ITPKC: variants seen among roughly 807,000 people sequenced by gnomAD.
ITPKC encodes IP3 3-kinase C.
A neutral mutation model predicts 67.1 loss-of-function variants in ITPKC; 33 were observed. The observed-to-expected ratio is 0.49, with a 90% CI of 0.37 to 0.66. The LOEUF (loss-of-function observed/expected upper bound fraction) is 0.66. Among genes scored for constraint, ITPKC ranks in the 30% least tolerant of loss-of-function variants. ITPKC has a pLI of 0.00. For synonymous variants in ITPKC, 341 were observed against 359.8 expected (o/e 0.95, Z 0.59); for missense variants, 820 against 892.1 (o/e 0.92, Z 1.03).
intron 3 of ITPKC, among the ~76,000 whole-genome samples, chr19:40,730,535 G>A (rs762173018): frequency 3.9e-5 from 6 of 152,044 alleles, no homozygotes; most frequent in East Asian, 3.9e-4. Flanking sequence ...GGGCTCAGGC[G>A]GTCCTTTCAC....
chr19:40,737,720 A>G lies in ITPKC; in HGVS notation c.1799A>G (p.Glu600Gly). ...VILQKYVACL[E>G]ELREALEISP... ...CAGCAAAAGTACGTGGCATGCCTAG[A>G]AGAACTTCGTGAAGCTCTGGAGATC... is the stretch of plus-strand genomic sequence containing the variant. The change falls in exon 6 of 7, where the codon GAA (glutamate) becomes GGA (glycine). Residue 600 changes from glutamate to glycine, a missense_variant. Coordinates refer to ENST00000263370, the MANE Select transcript of ITPKC (RefSeq NM_025194.3). The G allele has an allele frequency of 4.3e-6, 7 of 1,614,126 alleles. No individual in the cohort carries two copies. Among genetic ancestry groups the G allele is most frequent in the Non-Finnish European group, 5.1e-6 (6 of 1,180,008 alleles).
chr19:40,718,249 G>A lies in ITPKC; in HGVS notation c.1114G>A (p.Ala372Thr). The A allele has an allele frequency of 6.6e-7, 1 of 1,523,504 alleles. No individual in the cohort carries two copies. Among genetic ancestry groups the A allele is most frequent in the Non-Finnish European group, 8.8e-7 (1 of 1,140,812 alleles). The allele number at this position is 1,523,504 out of a possible 1,614,324, so 94.4% of individuals were successfully genotyped here. The change falls in exon 1 of 7, where the codon GCC becomes ACC. Residue 372 changes from alanine (A) to threonine (T), a missense_variant. Coordinates refer to ENST00000263370, the MANE Select transcript of ITPKC (RefSeq NM_025194.3). ...CGACGAGTCTGAGGATGACGTGGTG[G>A]CCGGGGGCGGAGGTGCCAGCGATCC... Reference protein sequence around the residue: ...SFDESEDDVVAGGGGASDPED... With the variant: ...SFDESEDDVVTGGGGASDPED...
chr19:40,717,132 G>T lies in ITPKC; in HGVS notation c.-4G>T. The T allele has an allele frequency of 8.2e-7, 1 of 1,225,172 alleles. No individual in the cohort carries two copies. Among genetic ancestry groups the T allele is most frequent in the Admixed American group, 4.3e-5 (1 of 23,500 alleles). 75.9% of individuals were successfully genotyped at this position (1,225,172 alleles called of 1,614,324 possible). On this transcript the variant is annotated 5_prime_UTR_variant, in exon 1 of 7. Coordinates refer to ENST00000263370, the MANE Select transcript of ITPKC (RefSeq NM_025194.3). Reference sequence around the variant, plus strand: ...CGGCCGAAGCCCGAACCGAAGGAGCGGGCATGAGGCGCTGCCCGTGCCGTG... The same window carrying T: ...CGGCCGAAGCCCGAACCGAAGGAGCTGGCATGAGGCGCTGCCCGTGCCGTG...
At chr19:40,738,327 G>A (rs563379101) in intron 6 of ITPKC, among the ~76,000 whole-genome samples, 47 of 152,324 alleles carry the variant, frequency 3.1e-4, no homozygotes, top group Non-Finnish European at 5.6e-4. Context: ...TACTTGGGAG[G>A]CTGAGGCAGG....
At chr19:40,734,476 ATG>A (rs2082285642) in intron 4 of ITPKC, among the ~76,000 whole-genome samples, 1 of 152,188 alleles carries the variant, frequency 6.6e-6, no homozygotes. Flanking sequence ...CCAGCAATGT[ATG>A]AGAATGCCTG....
At chr19:40,721,638 G>A (rs935625967) in intron 1 of ITPKC, among the ~76,000 whole-genome samples, 2 of 151,858 alleles carry the variant, frequency 1.3e-5, no homozygotes, top group South Asian at 2.1e-4. Context: ...CAAAGTGCTG[G>A]GATTACAAGC....
In ITPKC at chr19:40,739,528, A is replaced by G. The variant is rs150775554; in HGVS notation, c.2020A>G (p.Ile674Val). 1 of 1,613,630 alleles carries G rather than the reference A, an allele frequency of 6.2e-7. No individual in the cohort carries two copies. Among genetic ancestry groups the G allele is most frequent in the Non-Finnish European group, 8.5e-7 (1 of 1,179,994 alleles). ...DGYLWGLDNMICLLQGLAQS is the reference protein window; with the variant it reads ...DGYLWGLDNMVCLLQGLAQS ...CTACCTCTGGGGCCTGGACAACATG[A>G]TCTGCCTCCTGCAGGGGCTGGCACA... is the stretch of plus-strand genomic sequence containing the variant. Residue 674 changes from isoleucine to valine, a missense_variant, in exon 7 of 7, where the codon ATC (isoleucine) becomes GTC (valine). Transcript: ENST00000263370.
At chr19:40,735,795 C>T (rs1334248913) in intron 4 of ITPKC, among the ~76,000 whole-genome samples, 1 of 152,172 alleles carries the variant, frequency 6.6e-6, no homozygotes, top group Non-Finnish European at 1.5e-5. Flanking sequence ...GTTCTCTGAG[C>T]CCTACTGAAA....
chr19:40,728,124 C>T (rs2082254572), intron 2 of ITPKC, among the ~76,000 whole-genome samples: 1 of 152,180 alleles, frequency 6.6e-6, no homozygotes, highest in African/African-American at 2.4e-5. Context: ...AATCACAGCA[C>T]TTTGGGAGGC....
chr19:40,721,994 C>G (rs2082224652), intron 1 of ITPKC, among the ~76,000 whole-genome samples: 1 of 126,252 alleles, frequency 7.9e-6, no homozygotes, highest in Admixed American at 8.8e-5. Context: ...GAGTGAGATC[C>G]TGTCTCAAAA....
At chr19:40,730,251 TC>T (rs1568450325) in intron 3 of ITPKC, among the ~76,000 whole-genome samples, 1 of 152,014 alleles carries the variant, frequency 6.6e-6, no homozygotes, top group Non-Finnish European at 1.5e-5. Flanking sequence ...AGAAGTGAAC[TC>T]TAATTGCTTT....
At position 40,724,562 on chromosome 19, in the gene ITPKC, C is replaced by T. The variant is rs1442543829; in HGVS notation, c.1156-778C>T. 2.6e-5 allele frequency among the ~76,000 whole-genome samples: 4 copies of T among 152,262 alleles called. No individual in the cohort carries two copies. The East Asian group carries it at 7.7e-4, about 29-fold the overall frequency. On this transcript the variant is annotated intron_variant, in intron 1 of 6. Coordinates refer to ENST00000263370, the MANE Select transcript of ITPKC (RefSeq NM_025194.3). Reference sequence around the variant, plus strand: ...GTCATCTGCCTCTCTGTTTCTGTCTCTCTCTGTGGTCCATCTCCATCCATC... The same window carrying T: ...GTCATCTGCCTCTCTGTTTCTGTCTTTCTCTGTGGTCCATCTCCATCCATC...
At chr19:40,719,600 C>T (rs2082211914) in intron 1 of ITPKC, among the ~76,000 whole-genome samples, 1 of 151,912 alleles carries the variant, frequency 6.6e-6, no homozygotes, top group Non-Finnish European at 1.5e-5. Flanking sequence ...AGTGATTGTC[C>T]TGCCTCAGCC....
chr19:40,725,981 C>T (rs1362642290), intron 2 of ITPKC, among the ~76,000 whole-genome samples: 4 of 151,992 alleles, frequency 2.6e-5, no homozygotes, highest in Non-Finnish European at 5.9e-5. Context: ...TGGCTCATGC[C>T]TGTAATCCCA....
intron 2 of ITPKC, among the ~76,000 whole-genome samples, chr19:40,726,773 G>C (rs1451091977): frequency 6.6e-6 from 1 of 152,190 alleles, no homozygotes; most frequent in Admixed American, 6.6e-5. Context: ...AGAGCACAGC[G>C]GCTCATGGCT....
intron 1 of ITPKC, among the ~76,000 whole-genome samples, chr19:40,720,350 G>T (rs2082215772): frequency 6.7e-6 from 1 of 150,288 alleles, no homozygotes; most frequent in African/African-American, 2.5e-5. Flanking sequence ...CTGGGTGACA[G>T]AGCAAGACTC....
At chr19:40,723,110 C>T (rs1039700285) in intron 1 of ITPKC, among the ~76,000 whole-genome samples, 4 of 151,530 alleles carry the variant, frequency 2.6e-5, no homozygotes, top group East Asian at 2.0e-4. Context: ...TGCAGGTGCC[C>T]GCCACCATGC....
intron 1 of ITPKC, among the ~76,000 whole-genome samples, chr19:40,722,251 T>C (rs898352832): frequency 3.9e-5 from 6 of 152,092 alleles, no homozygotes; most frequent in African/African-American, 1.4e-4. Context: ...GGTAAGTGGC[T>C]TCACCTCTCA....
intron 1 of ITPKC, among the ~76,000 whole-genome samples, chr19:40,722,469 T>G (rs1338423689): frequency 6.6e-6 from 1 of 152,080 alleles, no homozygotes; most frequent in African/African-American, 2.4e-5. Flanking sequence ...GAACCCTGAC[T>G]CCCTCTTAAC....
Sources: allele counts gnomAD v4.1 joint callset (sites outside exome capture counted in the v4.1 genomes callset), GRCh38; gene constraint gnomAD v4.1.1; transcripts MANE v1.5; gene names NCBI Gene and HGNC (gene_info 2026-07-23, HGNC 2026-07-21).